Variants in NCKAP5 observed in about 807,000 individuals in gnomAD.
NCKAP5 encodes the protein NCK associated protein 5, also known as nck-associated protein 5.
A neutral mutation model predicts 167.0 loss-of-function variants in NCKAP5; 92 were observed. The observed-to-expected ratio is 0.55, with a 90% CI of 0.47 to 0.66. The LOEUF is 0.66. Ranked by LOEUF, NCKAP5 falls within the 30% of genes least tolerant of loss-of-function variation. The pLI, the probability that NCKAP5 is intolerant of heterozygous loss-of-function variation, is 0.00. For synonymous variants in NCKAP5, 891 were observed against 877.4 expected (o/e 1.02, Z -0.27); for missense variants, 2,378 against 2,315.0 (o/e 1.03, Z -0.56).
intron 3 of NCKAP5, among the ~76,000 whole-genome samples, chr2:133,388,837 G>A: frequency 6.6e-6 from 1 of 152,244 alleles, no homozygotes; most frequent in East Asian, 1.9e-4. Context: ...CTCCGAGCCA[G>A]GTGTGGGATA....
At chr2:133,648,705 A>AAC in the NCKAP5 span, among the ~76,000 whole-genome samples, 1 of 152,066 alleles carries the variant, frequency 6.6e-6, no homozygotes, top group Non-Finnish European at 1.5e-5. Flanking sequence ...GACAAATGAA[A>AAC]ACACACACAC....
Position 133,013,265 on chromosome 2 carries a change from G to A in NCKAP5, c.342-19026C>T, listed in dbSNP as rs111760276. Among the ~76,000 whole-genome samples, 807 of 152,240 alleles carry A rather than the reference G, an allele frequency of 5.3e-3. 7 individuals carry two copies. Among genetic ancestry groups the A allele is most frequent in the African/African-American group, 0.017 (715 of 41,532 alleles). On this transcript the variant is annotated intron_variant, in intron 6 of 19. Transcript: ENST00000409261. ...TTTGTCAGCAGGCTGCAGGGCTGCT[G>A]GGCTGTTGTGACACTCACAGCAGCT... is the stretch of plus-strand genomic sequence containing the variant.
intron 3 of NCKAP5, among the ~76,000 whole-genome samples, chr2:133,362,515 T>C (rs1454625788): frequency 6.6e-6 from 1 of 152,184 alleles, no homozygotes; most frequent in Non-Finnish European, 1.5e-5. Context: ...AAAAGCTGCA[T>C]TTAGAAGTTA....
At chr2:133,439,476 A>G (rs1252820461) in intron 3 of NCKAP5, among the ~76,000 whole-genome samples, 2 of 152,250 alleles carry the variant, frequency 1.3e-5, no homozygotes, top group African/African-American at 4.8e-5. Flanking sequence ...GCAAAGCCCT[A>G]TTTCAATGCC....
At chr2:132,719,758 T>C (rs1045385242) in intron 19 of NCKAP5, among the ~76,000 whole-genome samples, 1 of 152,206 alleles carries the variant, frequency 6.6e-6, no homozygotes, top group Non-Finnish European at 1.5e-5. Context: ...TGCCTTGGGA[T>C]GGCCAGAGCA....
chr2:133,652,651 C>T, the NCKAP5 span, among the ~76,000 whole-genome samples: 1 of 152,178 alleles, frequency 6.6e-6, no homozygotes, highest in African/African-American at 2.4e-5. Flanking sequence ...TCTCTCTGGC[C>T]AAAGAACTTT....
At chr2:133,197,905 G>A (rs565700286) in intron 5 of NCKAP5, among the ~76,000 whole-genome samples, 1 of 152,044 alleles carries the variant, frequency 6.6e-6, no homozygotes, top group South Asian at 2.1e-4. Flanking sequence ...AGCCAAGATC[G>A]TGCCACTGCA....
chr2:133,308,079 ATTTTTTTTTTT>A (rs60111877), intron 3 of NCKAP5, among the ~76,000 whole-genome samples: 1 of 89,396 alleles, frequency 1.1e-5, no homozygotes, highest in African/African-American at 4.5e-5. Flanking sequence ...TTATTGTTCT[ATTTTTTTTTTT>A]TTTTTTTTTT....
chr2:133,629,890 A>G, the NCKAP5 span, among the ~76,000 whole-genome samples: 1 of 152,178 alleles, frequency 6.6e-6, no homozygotes, highest in African/African-American at 2.4e-5. Flanking sequence ...AGAAAACCAA[A>G]CACTGAATGT....
intron 8 of NCKAP5, among the ~76,000 whole-genome samples, chr2:132,882,367 C>A (rs1180278680): frequency 6.6e-6 from 1 of 152,110 alleles, no homozygotes; most frequent in East Asian, 1.9e-4. Flanking sequence ...AGGCTCAACA[C>A]CCCCACCCCA....
chr2:133,353,523 C>T (rs1865583), intron 3 of NCKAP5, among the ~76,000 whole-genome samples: 38,773 of 152,012 alleles, frequency 0.26, 5,860 homozygotes, highest in Middle Eastern at 0.42. Context: ...TGGTTCCCAG[C>T]AAAAGCCCCA....
At position 133,336,033 on chromosome 2, in the gene NCKAP5, C is replaced by T. The variant is rs58051691; in HGVS notation, c.70-32923G>A. Among the ~76,000 whole-genome samples, 1,221 of 152,120 alleles carry T rather than the reference C, an allele frequency of 8.0e-3. 18 individuals are homozygous for T. Among genetic ancestry groups the T allele is most frequent in the African/African-American group, 0.025 (1,057 of 41,502 alleles). On this transcript the variant is annotated intron_variant, in intron 3 of 19. Transcript: ENST00000409261. ...ATAAGTTTTTCATTTTACAGAGTCT[C>T]AAGTATCTGAAGTTCCAAGAATTAA...
intron 16 of NCKAP5, among the ~76,000 whole-genome samples, chr2:132,754,539 A>G (rs1559012932): frequency 6.6e-6 from 1 of 152,232 alleles, no homozygotes; most frequent in Non-Finnish European, 1.5e-5. Context: ...TGCACTGCAG[A>G]CCAAATGCTC....
At chr2:133,362,138 T>C (rs990009263) in intron 3 of NCKAP5, among the ~76,000 whole-genome samples, 1 of 152,218 alleles carries the variant, frequency 6.6e-6, no homozygotes, top group African/African-American at 2.4e-5. Context: ...GATTGTCTTA[T>C]TGCTTGAAGC....
At chr2:132,774,177 A>C (rs1467737950) in intron 15 of NCKAP5, among the ~76,000 whole-genome samples, 1 of 152,218 alleles carries the variant, frequency 6.6e-6, no homozygotes, top group African/African-American at 2.4e-5. Context: ...AGGGTATCTA[A>C]TTCTACACAA....
At chr2:133,647,700 AGG>A in the NCKAP5 span, among the ~76,000 whole-genome samples, 1 of 71,518 alleles carries the variant, frequency 1.4e-5, no homozygotes, top group African/African-American at 5.6e-5. Context: ...GGAAGAAAGA[AGG>A]AAAGAAAAAG....
Position 133,352,361 on chromosome 2 carries a change from G to T in NCKAP5, c.70-49251C>A, listed in dbSNP as rs528981939. Among the ~76,000 whole-genome samples the T allele has an allele frequency of 5.7e-4, 87 of 152,306 alleles. 1 individual carries two copies. In the Middle Eastern group the frequency reaches 0.014, roughly 24 times the overall value. On this transcript the variant is annotated intron_variant, in intron 3 of 19. Coordinates refer to ENST00000409261, the MANE Select transcript of NCKAP5 (RefSeq NM_207363.3). ...ACACTGTGCCTGACATGCATAAGTT[G>T]CTCAATAAATACATCTTGAATGAAT...
Position 132,732,066 on chromosome 2 carries a change from CAGAG to C in NCKAP5, c.5129-19_5129-16del. On this transcript the variant is annotated splice_polypyrimidine_tract_variant and intron_variant, in intron 16 of 19. Coordinates refer to ENST00000409261, the MANE Select transcript of NCKAP5 (RefSeq NM_207363.3). ...GCAGTTGGATTCTGAGATAGAGAGA[CAGAG>C]AGAGAAGGGAATAGAGAAGGCTCAC... The C allele has an allele frequency of 6.3e-7, 1 of 1,595,804 alleles. No individual in the cohort carries two copies. Among genetic ancestry groups the C allele is most frequent in the Non-Finnish European group, 8.6e-7 (1 of 1,169,070 alleles).
intron 5 of NCKAP5, among the ~76,000 whole-genome samples, chr2:133,185,136 T>C (rs973641170): frequency 2.6e-5 from 4 of 152,274 alleles, no homozygotes; most frequent in Admixed American, 2.6e-4. Flanking sequence ...TTAATTTCTG[T>C]ATAGGATGAG....
Sources: allele counts gnomAD v4.1 joint callset (sites outside exome capture counted in the v4.1 genomes callset), GRCh38; gene constraint gnomAD v4.1.1; transcripts MANE v1.5; gene names NCBI Gene and HGNC (gene_info 2026-07-23, HGNC 2026-07-21).